Variants in PRIM2 observed in about 807,000 individuals in gnomAD.
PRIM2 encodes the protein DNA primase subunit 2, also known as DNA primase large subunit.
Under a neutral mutation model 67.3 loss-of-function variants are expected in PRIM2, and 39 were observed. The ratio of observed to expected loss-of-function variants is 0.58; its 90% CI spans 0.45 to 0.76. PRIM2 has a LOEUF of 0.76. Ranked by LOEUF, PRIM2 falls within the 30% of genes least tolerant of loss-of-function variation. The probability of loss-of-function intolerance (pLI) is 0.00; values close to 1 mark genes in which losing one functional copy is unlikely to be tolerated. For synonymous variants in PRIM2, 143 were observed against 198.7 expected (o/e 0.72, Z 2.36); for missense variants, 398 against 598.7 (o/e 0.66, Z 3.50).
At chr6:57,567,841 A>T (rs1333892411) in intron 10 of PRIM2, among the ~76,000 whole-genome samples, 10 of 152,322 alleles carry the variant, frequency 6.6e-5, no homozygotes, top group African/African-American at 2.2e-4. Flanking sequence ...TCATTTAAAG[A>T]GCAAGCAAAA....
In PRIM2 at chr6:57,365,949, C is replaced by CAAA. The variant is rs5876544; in HGVS notation, c.460-13929_460-13927dup. On this transcript the variant is annotated intron_variant, in intron 5 of 13. Coordinates refer to ENST00000615550, the MANE Select transcript of PRIM2 (RefSeq NM_000947.5). Reference sequence around the variant, plus strand: ...TGAGCAGCAGAGTGAGACCATATCTCAAAAAAAAAAAAAAAAAAAAAAAAA... The same window carrying CAAA: ...TGAGCAGCAGAGTGAGACCATATCTCAAAAAAAAAAAAAAAAAAAAAAAAAAAA... Among the ~76,000 whole-genome samples, 259 of 62,250 alleles carry CAAA rather than the reference C, an allele frequency of 4.2e-3. 2 individuals carry two copies. The highest frequency in any genetic ancestry group is 5.8e-3 in the Admixed American group (22 of 3,808). 40.8% of individuals were successfully genotyped at this position (62,250 alleles called of 152,430 possible). A position where few individuals can be genotyped will look rare whatever the true frequency, so the allele number is the denominator to read the frequency against.
chr6:57,544,201 T>C (rs1465096202), intron 10 of PRIM2, among the ~76,000 whole-genome samples: 12 of 151,944 alleles, frequency 7.9e-5, no homozygotes, highest in African/African-American at 2.9e-4. Flanking sequence ...GAGCTTGGAA[T>C]GTTTCTGTGT....
chr6:57,228,963 C>G, the PRIM2 span, among the ~76,000 whole-genome samples: 1 of 152,196 alleles, frequency 6.6e-6, no homozygotes, highest in Admixed American at 6.5e-5. Flanking sequence ...AGAAATGTCT[C>G]CAAACGGACT....
intron 7 of PRIM2, among the ~76,000 whole-genome samples, chr6:57,417,663 T>G (rs1771312296): frequency 6.6e-6 from 1 of 152,152 alleles, no homozygotes. Context: ...ACAATTACAT[T>G]AGTAACATCA....
chr6:57,221,585 T>A, the PRIM2 span: 1 of 152,404 alleles, frequency 6.6e-6, no homozygotes, highest in Admixed American at 6.5e-5. Flanking sequence ...CCCTTACTGG[T>A]GTCTGGCCCA....
At chr6:57,410,352 AAG>A (rs1161016813) in intron 7 of PRIM2, among the ~76,000 whole-genome samples, 54 of 150,764 alleles carry the variant, frequency 3.6e-4, no homozygotes, top group African/African-American at 1.2e-3. Context: ...AAAAAAAAGA[AAG>A]AAAGAAAGAA....
At chr6:57,273,281 G>T in the PRIM2 span, among the ~76,000 whole-genome samples, 649 of 152,148 alleles carry the variant, frequency 4.3e-3, 4 homozygotes, top group South Asian at 0.023. Flanking sequence ...ACGCAGATTT[G>T]GTCTTTTCAC....
chr6:57,327,568 C>T (rs890181029), intron 5 of PRIM2, among the ~76,000 whole-genome samples: 2 of 152,214 alleles, frequency 1.3e-5, no homozygotes, highest in African/African-American at 4.8e-5. Flanking sequence ...TAAGTCACAT[C>T]TACCTTTGCA....
chr6:57,457,224 A>G (rs1233119949), intron 7 of PRIM2, among the ~76,000 whole-genome samples: 3 of 152,150 alleles, frequency 2.0e-5, no homozygotes, highest in Non-Finnish European at 4.4e-5. Context: ...CAGTGAGGCT[A>G]CTTGGGGGTC....
the PRIM2 span, among the ~76,000 whole-genome samples, chr6:57,265,023 C>A: frequency 9.2e-5 from 14 of 152,246 alleles, no homozygotes; most frequent in East Asian, 1.5e-3. Context: ...GTTCTACCTA[C>A]TTGATAGGAT....
At chr6:57,285,536 G>A in the PRIM2 span, among the ~76,000 whole-genome samples, 6 of 152,082 alleles carry the variant, frequency 3.9e-5, no homozygotes, top group African/African-American at 1.2e-4. Context: ...TCATTATCTC[G>A]ATAGATGCAG....
At chr6:57,274,943 A>ATTTTTT in the PRIM2 span, among the ~76,000 whole-genome samples, 9 of 137,384 alleles carry the variant, frequency 6.6e-5, no homozygotes, top group African/African-American at 1.4e-4. Context: ...CACCTGGCTA[A>ATTTTTT]TTTTTTTTTT....
At chr6:57,310,326 T>C (rs1767356678), upstream of PRIM2, among the ~76,000 whole-genome samples, 1 of 152,232 alleles carries the variant, frequency 6.6e-6, no homozygotes, top group African/African-American at 2.4e-5. Flanking sequence ...CATTTAACCC[T>C]GAGTTGACAC....
At chr6:57,491,733 A>G (rs1242253013) in intron 7 of PRIM2, among the ~76,000 whole-genome samples, 2 of 152,166 alleles carry the variant, frequency 1.3e-5, no homozygotes, top group Non-Finnish European at 2.9e-5. Context: ...TTAGGCTCAC[A>G]GGCACCAGAG....
At chr6:57,392,926 G>A (rs528680069) in intron 7 of PRIM2, among the ~76,000 whole-genome samples, 51 of 149,082 alleles carry the variant, frequency 3.4e-4, no homozygotes, top group Non-Finnish European at 5.7e-4. Context: ...ACTTCACGTA[G>A]AATAGTAGTG....
At position 57,462,733 on chromosome 6, in the gene PRIM2, G is replaced by T. The variant is rs1319926816; in HGVS notation, c.694-44654G>T. On this transcript the variant is annotated intron_variant, in intron 7 of 13. Transcript: ENST00000615550. ...TCTTTTTGTGATATGGCTAATGTGCGAGAGTCACCCAGTTGCTGTAGAAGT... is the reference window on the plus strand; with the variant it reads ...TCTTTTTGTGATATGGCTAATGTGCTAGAGTCACCCAGTTGCTGTAGAAGT... Among the ~76,000 whole-genome samples the T allele has an allele frequency of 1.3e-3, 191 of 152,266 alleles. 5 individuals are homozygous for T. The East Asian group carries it at 0.016, about 13-fold the overall frequency.
chr6:57,235,464 C>CAAA, the PRIM2 span, among the ~76,000 whole-genome samples: 2 of 145,994 alleles, frequency 1.4e-5, no homozygotes, highest in African/African-American at 2.6e-5. Flanking sequence ...AACTCCATTT[C>CAAA]AAAAAAAAAA....
chr6:57,439,617 G>T (rs1299650555), intron 7 of PRIM2, among the ~76,000 whole-genome samples: 1 of 151,772 alleles, frequency 6.6e-6, no homozygotes, highest in African/African-American at 2.4e-5. Flanking sequence ...GTTTTGCCAT[G>T]TTGATCAGGC....
intron 5 of PRIM2, among the ~76,000 whole-genome samples, chr6:57,355,785 T>A (rs7754364): frequency 1.3e-5 from 2 of 152,102 alleles, no homozygotes; most frequent in South Asian, 2.1e-4. Flanking sequence ...TACAGGCATG[T>A]GTCACCACGT....
Sources: allele counts gnomAD v4.1 joint callset (sites outside exome capture counted in the v4.1 genomes callset), GRCh38; gene constraint gnomAD v4.1.1; transcripts MANE v1.5; gene names NCBI Gene and HGNC (gene_info 2026-07-23, HGNC 2026-07-21).